The following CTNNA2 variants were observed in gnomAD, a reference collection of about 807,000 sequenced individuals.
CTNNA2 encodes the protein catenin alpha-2.
Under a neutral mutation model 101.0 loss-of-function variants are expected in CTNNA2, and 42 were observed. That is an observed-to-expected ratio of 0.42 (90% confidence interval 0.32 to 0.54). CTNNA2 has a LOEUF of 0.54. Ranked by LOEUF, CTNNA2 falls within the 20% of genes least tolerant of loss-of-function variation. The pLI, the probability that CTNNA2 is intolerant of heterozygous loss-of-function variation, is 0.14. For missense variants in CTNNA2, 871 were observed against 1,223.1 expected (o/e 0.71, Z 4.29); for synonymous variants, 450 against 456.4 (o/e 0.99, Z 0.18).
intron 7 of CTNNA2, among the ~76,000 whole-genome samples, chr2:80,281,068 A>G (rs1168101841): frequency 6.6e-6 from 1 of 152,146 alleles, no homozygotes; most frequent in Non-Finnish European, 1.5e-5. Flanking sequence ...AGAGAGCCAT[A>G]AAATGCTATT....
chr2:80,267,579 TG>T (rs1673098949), intron 7 of CTNNA2, among the ~76,000 whole-genome samples: 1 of 152,172 alleles, frequency 6.6e-6, no homozygotes, highest in African/African-American at 2.4e-5. Context: ...AATTGCCACC[TG>T]GATGGGAAAC....
At chr2:80,451,872 G>GA (rs200934041) in intron 9 of CTNNA2, among the ~76,000 whole-genome samples, 3,555 of 151,186 alleles carry the variant, frequency 0.024, 61 homozygotes, top group Non-Finnish European at 0.034. Context: ...TTTTTTATCG[G>GA]AAAAAAAAGA....
chr2:79,693,066 A>G (rs1003361486), intron 2 of CTNNA2, among the ~76,000 whole-genome samples: 2 of 151,982 alleles, frequency 1.3e-5, no homozygotes, highest in Non-Finnish European at 2.9e-5. Context: ...ACTATATGCT[A>G]CTTATTAGAC....
At chr2:79,292,634 A>G (rs1675854948) in intron 2 of CTNNA2, among the ~76,000 whole-genome samples, 2 of 152,170 alleles carry the variant, frequency 1.3e-5, no homozygotes, top group Admixed American at 1.3e-4. Flanking sequence ...TGAGGCCCAG[A>G]TGGAAAGGGA....
chr2:79,278,304 A>G (rs1461760015), intron 2 of CTNNA2, among the ~76,000 whole-genome samples: 1 of 152,150 alleles, frequency 6.6e-6, no homozygotes, highest in Non-Finnish European at 1.5e-5. Flanking sequence ...TGCACAAGAT[A>G]AATCTAACTT....
chr2:80,385,469 T>G (rs1676911522), intron 7 of CTNNA2, among the ~76,000 whole-genome samples: 1 of 152,198 alleles, frequency 6.6e-6, no homozygotes, highest in African/African-American at 2.4e-5. Flanking sequence ...CTTCCCAGCC[T>G]CCAGAAATGT....
chr2:80,363,929 C>G (rs1293536176), intron 7 of CTNNA2, among the ~76,000 whole-genome samples: 3 of 152,128 alleles, frequency 2.0e-5, no homozygotes, highest in Non-Finnish European at 4.4e-5. Context: ...ACACTTGTGT[C>G]GCTTACCCAA....
intron 7 of CTNNA2, among the ~76,000 whole-genome samples, chr2:79,968,911 G>T (rs1690281464): frequency 6.7e-6 from 1 of 150,256 alleles, no homozygotes. Flanking sequence ...ACCCCTTTTT[G>T]TATTGAGACC....
chr2:80,459,823 A>C (rs948545410), intron 9 of CTNNA2, among the ~76,000 whole-genome samples: 1 of 152,170 alleles, frequency 6.6e-6, no homozygotes, highest in Admixed American at 6.5e-5. Context: ...AAGCCACTCA[A>C]TTCCCCTGCC....
intron 9 of CTNNA2, among the ~76,000 whole-genome samples, chr2:80,532,790 G>A (rs1690656507): frequency 1.3e-5 from 2 of 152,160 alleles, no homozygotes; most frequent in South Asian, 4.2e-4. Flanking sequence ...TTAGATTAAG[G>A]TGTTATATTA....
At chr2:79,328,242 T>C (rs1676791618) in intron 3 of CTNNA2, among the ~76,000 whole-genome samples, 2 of 151,992 alleles carry the variant, frequency 1.3e-5, no homozygotes, top group African/African-American at 4.8e-5. Context: ...TGTAAGCCTG[T>C]AGGATCTCAG....
At chr2:79,217,180 A>T (rs1458993492) in intron 2 of CTNNA2, among the ~76,000 whole-genome samples, 1 of 152,150 alleles carries the variant, frequency 6.6e-6, no homozygotes, top group African/African-American at 2.4e-5. Context: ...AATTGGTGAG[A>T]TGTTCCTTGG....
At chr2:79,210,403 T>C (rs1218694618) in intron 2 of CTNNA2, among the ~76,000 whole-genome samples, 6 of 152,170 alleles carry the variant, frequency 3.9e-5, no homozygotes, top group Non-Finnish European at 7.3e-5. Context: ...AGAGTTCATT[T>C]TTTTTCTTTC....
intron 7 of CTNNA2, among the ~76,000 whole-genome samples, chr2:80,316,198 A>G (rs1162418526): frequency 6.6e-6 from 1 of 152,162 alleles, no homozygotes; most frequent in African/African-American, 2.4e-5. Context: ...GTGAATAGCT[A>G]GAGAGAGAGG....
rs77519251 is a variant in CTNNA2, at chr2:80,305,334, G to A, written c.1057-87877G>A. The A allele has an allele frequency of 3.7e-4, 368 of 985,416 alleles. 1 individual carries two copies. The African/African-American group carries it at 6.1e-3, about 16-fold the overall frequency. 61.0% of individuals were successfully genotyped at this position (985,416 alleles called of 1,614,324 possible). On this transcript the variant is annotated intron_variant, in intron 7 of 18. Coordinates refer to ENST00000402739, the MANE Select transcript of CTNNA2 (RefSeq NM_001282597.3). ...CAGTGTGGCAAAAAGGTATGTCTGT[G>A]TGCAGGGAGACTTGACTGAGATCCC...
Position 80,165,231 on chromosome 2 carries a change from AT to A in CTNNA2, c.1057-227970del, listed in dbSNP as rs573737593. ...TCCCTAAGGCTTTGTTAATTAATTT[AT>A]TTTTTTTTTCAATCTGGTTTCTCTC... On this transcript the variant is annotated intron_variant, in intron 7 of 18. Transcript: ENST00000402739. Among the ~76,000 whole-genome samples, 259 of 141,560 alleles carry A rather than the reference AT, an allele frequency of 1.8e-3. 1 individual carries two copies. The highest frequency in any genetic ancestry group is 4.5e-3 in the Admixed American group (65 of 14,302). 92.9% of individuals were successfully genotyped at this position (141,560 alleles called of 152,430 possible).
chr2:79,537,196 G>C (rs140965325), intron 1 of CTNNA2, among the ~76,000 whole-genome samples: 255 of 152,238 alleles, frequency 1.7e-3, no homozygotes, highest in African/African-American at 5.9e-3. Context: ...GATTTGACCT[G>C]CCTGATCCAC....
In CTNNA2 at chr2:80,541,401, G is replaced by A. The variant is rs79355926; in HGVS notation, c.1291-3581G>A. Among the ~76,000 whole-genome samples, 633 of 152,280 alleles carry A rather than the reference G, an allele frequency of 4.2e-3. 4 individuals carry two copies. Among genetic ancestry groups the A allele is most frequent in the African/African-American group, 0.014 (596 of 41,558 alleles). On this transcript the variant is annotated intron_variant, in intron 9 of 18. Transcript: ENST00000402739. Reference sequence around the variant, plus strand: ...TAAATAACTGGAGGACTATCAAGAGGTGCCAGCTCTTTATTTTTGCCAAGC... The same window carrying A: ...TAAATAACTGGAGGACTATCAAGAGATGCCAGCTCTTTATTTTTGCCAAGC...
intron 17 of CTNNA2, among the ~76,000 whole-genome samples, chr2:80,611,090 G>GA (rs1339167178): frequency 6.6e-6 from 1 of 151,384 alleles, no homozygotes; most frequent in Non-Finnish European, 1.5e-5. Flanking sequence ...ATGCATTTGT[G>GA]AGCCAATTCA....
Sources: allele counts gnomAD v4.1 joint callset (sites outside exome capture counted in the v4.1 genomes callset), GRCh38; gene constraint gnomAD v4.1.1; transcripts MANE v1.5; gene names NCBI Gene and HGNC (gene_info 2026-07-23, HGNC 2026-07-21).